Variants in SEMA6C observed in about 807,000 individuals in gnomAD.
SEMA6C encodes the protein semaphorin 6C, also known as semaphorin-6C.
A neutral mutation model predicts 72.9 loss-of-function variants in SEMA6C; 37 were observed. That is an observed-to-expected ratio of 0.51 (90% CI 0.39 to 0.67). The LOEUF is 0.67. Among genes scored for constraint, SEMA6C ranks in the 30% least tolerant of loss-of-function variants. SEMA6C has a pLI of 0.00. For synonymous variants in SEMA6C, 578 were observed against 554.1 expected (o/e 1.04, Z -0.61); for missense variants, 1,189 against 1,263.6 (o/e 0.94, Z 0.89).
intron 4 of SEMA6C, 56 bp from the exon 5 acceptor site, chr1:151,139,757 A>G: frequency 6.6e-7 from 1 of 1,504,628 alleles, no homozygotes; most frequent in Non-Finnish European, 9.0e-7. Flanking sequence ...CACTTTACCC[A>G]CAGTCAGCTG....
At chr1:151,143,169 C>T (rs56299877) in intron 2 of SEMA6C, among the ~76,000 whole-genome samples, 31,579 of 152,178 alleles carry the variant, frequency 0.21, 3,393 homozygotes, top group African/African-American at 0.24. Context: ...CGGGGGCAGC[C>T]GTGTGGCTGA....
intron 3 of SEMA6C, among the ~76,000 whole-genome samples, chr1:151,140,703 T>A (rs1372732548): frequency 6.6e-6 from 1 of 152,192 alleles, no homozygotes; most frequent in Non-Finnish European, 1.5e-5. Context: ...TTAACATTTA[T>A]AATGTGCTCA....
At position 151,135,708 on chromosome 1, in the gene SEMA6C, G is replaced by A; in HGVS notation, c.1316C>T (p.Thr439Ile). 1.2e-6 allele frequency: 2 copies of A among 1,614,196 alleles called. No homozygotes were observed. Among genetic ancestry groups the A allele is most frequent in the South Asian group, 1.1e-5 (1 of 91,082 alleles). The change falls in exon 14 of 19, where the codon ACA becomes ATA. Residue 439 changes from threonine (T) to isoleucine (I), a missense_variant. Around this residue, in one of 2 missense-constraint regions of SEMA6C, gnomAD observed 468 missense variants for 577.4 expected, o/e 0.81. Coordinates refer to ENST00000368914, the MANE Select transcript of SEMA6C (RefSeq NM_030913.6). ...DGMAGPHSNITVMFLGSNDGT... is the reference protein window; with the variant it reads ...DGMAGPHSNIIVMFLGSNDGT... ...ATCATTGGAGCCAAGGAACATGACT[G>A]TGATGTTACTGTGGGGACCAGCCAT...
chr1:151,139,807 C>G (rs1682380076), intron 4 of SEMA6C, 106 bp from the exon 5 acceptor site: 1 of 1,282,330 alleles, frequency 7.8e-7, no homozygotes, highest in African/African-American at 1.5e-5. Context: ...CCCTCCCCTT[C>G]CCCCTTCCTC....
chr1:151,135,991 A>G lies in SEMA6C; in HGVS notation c.1259+20T>C, dbSNP rs200571177. The G allele has an allele frequency of 1.4e-5, 22 of 1,613,980 alleles. No homozygotes were observed. The highest frequency in any genetic ancestry group is 5.0e-5 in the Admixed American group (3 of 60,020). On this transcript the variant is annotated intron_variant, in intron 13 of 18. Transcript: ENST00000368914. ...GGCTGAGAACAGGGAGGCAGTGGTC[A>G]GTGTTTTTCAGCCCCATACCTGCTA...
chr1:151,132,929 C>G lies in SEMA6C; in HGVS notation c.2348G>C (p.Gly783Ala). Residue 783 changes from glycine (G) to alanine (A), a missense_variant, in exon 19 of 19, where the codon GGG becomes GCG. By Grantham distance (60) the Gly-to-Ala change is moderately conservative (BLOSUM62 0). This residue lies in a region of SEMA6C where 721 missense variants were observed against 686.2 expected (regional missense o/e 1.05). Transcript: ENST00000368914. ...YLHGPQPPRK[G>A]AEPPAPLTSR... ...GGTTAAAGGGGCGGGGGGCTCGGCC[C>G]CCTTTCTGGGCGGCTGCGGGCCGTG... 1 of 1,394,354 alleles carries G rather than the reference C, an allele frequency of 7.2e-7. No individual in the cohort carries two copies. The highest frequency in any genetic ancestry group is 1.3e-5 in the South Asian group (1 of 75,330). The allele number at this position is 1,394,354 out of a possible 1,614,324, so 86.4% of individuals were successfully genotyped here. A position where few individuals can be genotyped will look rare whatever the true frequency, so the allele number is the denominator to read the frequency against.
Position 151,133,279 on chromosome 1 carries a change from C to G in SEMA6C, c.1998G>C (p.Pro666=), listed in dbSNP as rs1000369229. 6.4e-7 allele frequency: 1 copy of G among 1,573,872 alleles called. No homozygotes were observed. Residue 666 remains proline (P), a synonymous_variant, in exon 19 of 19, where the codon CCG becomes CCC. Coordinates refer to ENST00000368914, the MANE Select transcript of SEMA6C (RefSeq NM_030913.6). This position sits in a 1 kb window ranked among gnomAD's most constrained non-coding sequence, Gnocchi z 5.9. ...RLHGGGPEPP[P]PSKDGDAVQT... is the part of the protein sequence containing the mutation. Reference sequence around the variant, plus strand: ...GCACCGCGTCCCCGTCCTTGGAGGGCGGCGGGGGCTCTGGGCCCCCACCGT... The same window carrying G: ...GCACCGCGTCCCCGTCCTTGGAGGGGGGCGGGGGCTCTGGGCCCCCACCGT...
At chr1:151,144,763 C>A (rs587671852) in intron 1 of SEMA6C, among the ~76,000 whole-genome samples, 7 of 152,274 alleles carry the variant, frequency 4.6e-5, no homozygotes, top group Admixed American at 2.6e-4. Context: ...AATCCAACAG[C>A]CTTCTTAGCA....
In SEMA6C at chr1:151,138,067, C is replaced by T. The variant is rs1368301575; in HGVS notation, c.586G>A (p.Ala196Thr). ...CTTCTGTAAACTACAGCATCACTGG[C>T]CTGGAAATCCGCAGCTGTGGCTGAG... ...LYSATAADFQASDAVVYRSLG... is the reference protein window; with the variant it reads ...LYSATAADFQTSDAVVYRSLG... The change falls in exon 9 of 19, where the codon GCC becomes ACC. Residue 196 changes from alanine (A) to threonine (T), a missense_variant. Coordinates refer to ENST00000368914, the MANE Select transcript of SEMA6C (RefSeq NM_030913.6). 1.9e-6 allele frequency: 3 copies of T among 1,614,166 alleles called. No homozygotes were observed. In the Admixed American group the frequency reaches 5.0e-5, roughly 27 times the overall value.
Position 151,138,079 on chromosome 1 carries a change from C to G in SEMA6C, c.574G>C (p.Ala192Pro). ...ACAGCATCACTGGCCTGGAAATCCG[C>G]AGCTGTGGCTGAGTACAGGCTGCCC... Reference protein sequence around the residue: ...AEGSLYSATAADFQASDAVVY... With the variant: ...AEGSLYSATAPDFQASDAVVY... The change falls in exon 9 of 19, where the codon GCG (alanine) becomes CCG (proline). Residue 192 changes from alanine to proline, a missense_variant. Ala to Pro is a conservative substitution (Grantham distance 27). Transcript: ENST00000368914. 2 of 1,614,180 alleles carry G rather than the reference C, an allele frequency of 1.2e-6. No homozygotes were observed. The highest frequency in any genetic ancestry group is 1.7e-6 in the Non-Finnish European group (2 of 1,180,016).
At chr1:151,140,320 A>C (rs587594681) in intron 3 of SEMA6C, among the ~76,000 whole-genome samples, 2 of 152,296 alleles carry the variant, frequency 1.3e-5, no homozygotes, top group African/African-American at 4.8e-5. Context: ...CTTTGGCCCC[A>C]TTTTACAGAT....
chr1:151,138,146 G>A, intron 8 of SEMA6C, 41 bp from the exon 9 acceptor site: 3 of 1,608,442 alleles, frequency 1.9e-6, no homozygotes, highest in Non-Finnish European at 2.5e-6. Flanking sequence ...AGGGCTCAGG[G>A]ATCTGTATCC....
At position 151,132,530 on chromosome 1, in the gene SEMA6C, G is replaced by A; in HGVS notation, c.2747C>T (p.Pro916Leu). The A allele has an allele frequency of 1.9e-6, 3 of 1,550,420 alleles. No homozygotes were observed. The highest frequency in any genetic ancestry group is 2.6e-6 in the Non-Finnish European group (3 of 1,146,816). Reference sequence around the variant, plus strand: ...GTTCGGGACGGCCTGGCGGGAGGAGGGCCCGACGAGGGGAGGCTTCAGGGA... The same window carrying A: ...GTTCGGGACGGCCTGGCGGGAGGAGAGCCCGACGAGGGGAGGCTTCAGGGA... ...QLSLKPPLVG[P>L]SSRQAVPNGG... The change falls in exon 19 of 19, where the codon CCC becomes CTC. Residue 916 changes from proline (P) to leucine (L), a missense_variant. Physicochemically the swap from Pro to Leu is moderately conservative, Grantham distance 98. Around this residue, in one of 2 missense-constraint regions of SEMA6C, gnomAD observed 721 missense variants for 686.2 expected, o/e 1.05. Coordinates refer to ENST00000368914, the MANE Select transcript of SEMA6C (RefSeq NM_030913.6).
chr1:151,135,214 C>T lies in SEMA6C; in HGVS notation c.1529G>A (p.Cys510Tyr). The T allele has an allele frequency of 6.2e-7, 1 of 1,614,190 alleles. No individual in the cohort carries two copies. The highest frequency in any genetic ancestry group is 8.5e-7 in the Non-Finnish European group (1 of 1,180,012). Residue 510 changes from cysteine to tyrosine, a missense_variant, in exon 15 of 19, where the codon TGT (cysteine) becomes TAT (tyrosine). Transcript: ENST00000368914. ...GHRLFVAFSG[C>Y]IVYLPLSRCA... ...CCGGCTGAGAGGGAGGTAGACAATACAGCCAGAAAAAGCCACAAAAAGCCT... is the reference window on the plus strand; with the variant it reads ...CCGGCTGAGAGGGAGGTAGACAATATAGCCAGAAAAAGCCACAAAAAGCCT...
rs1489601131 is a variant in SEMA6C, at chr1:151,137,034, A to G, written c.797T>C (p.Met266Thr). 3.7e-6 allele frequency: 6 copies of G among 1,613,948 alleles called. No individual in the cohort carries two copies. Among genetic ancestry groups the G allele is most frequent in the Non-Finnish European group, 5.1e-6 (6 of 1,180,028 alleles). Residue 266 changes from methionine to threonine, a missense_variant, in exon 11 of 19, where the codon ATG becomes ACG. Met to Thr is a moderately conservative substitution (Grantham distance 81). Around this residue, in one of 2 missense-constraint regions of SEMA6C, gnomAD observed 468 missense variants for 577.4 expected, o/e 0.81. Coordinates refer to ENST00000368914, the MANE Select transcript of SEMA6C (RefSeq NM_030913.6). ...SRVARVCKRD[M>T]GGSPRALDRH... ...GTCCAAGGCCCGAGGCGAGCCGCCC[A>G]TGTCACGTTTACATACTCGGGCTAC...
At position 151,132,205 on chromosome 1, in the gene SEMA6C, G is replaced by A; in HGVS notation, c.*279C>T. On this transcript the variant is annotated 3_prime_UTR_variant, in exon 19 of 19. Transcript: ENST00000368914. ...GAGCCCCGAGGGGCGAGTTAAGGCA[G>A]CTTGGCTGGAAGGGAGCGGGGAGTG... 6.8e-7 allele frequency: 1 copy of A among 1,480,642 alleles called. No individual in the cohort carries two copies. The highest frequency in any genetic ancestry group is 9.0e-7 in the Non-Finnish European group (1 of 1,112,268). 91.7% of individuals were successfully genotyped at this position (1,480,642 alleles called of 1,614,324 possible). A position where few individuals can be genotyped will look rare whatever the true frequency, so the allele number is the denominator to read the frequency against.
intron 3 of SEMA6C, among the ~76,000 whole-genome samples, chr1:151,141,140 T>C (rs1682509920): frequency 6.6e-6 from 1 of 152,128 alleles, no homozygotes; most frequent in Non-Finnish European, 1.5e-5. Context: ...ATCCTACAAA[T>C]ATAACCGGAA....
In SEMA6C at chr1:151,132,819, G is replaced by A; in HGVS notation, c.2458C>T (p.Leu820=). 7.7e-7 allele frequency: 1 copy of A among 1,306,308 alleles called. No homozygotes were observed. Among genetic ancestry groups the A allele is most frequent in the Middle Eastern group, 2.9e-4 (1 of 3,410 alleles). 80.9% of individuals were successfully genotyped at this position (1,306,308 alleles called of 1,614,324 possible). The change falls in exon 19 of 19, where the codon CTG becomes TTG. Residue 820 remains leucine, a synonymous_variant. Transcript: ENST00000368914. ...RPHECASPLR[L]DVPPEGRCAS... The stretch of plus-strand genomic sequence containing the variant: ...CACCTGCCCTCGGGGGGCACGTCCA[G>A]CCTCAGCGGCGAGGCGCACTCGTGG...
chr1:151,132,936 T>C lies in SEMA6C; in HGVS notation c.2341A>G (p.Arg781Gly). 1 of 1,397,968 alleles carries C rather than the reference T, an allele frequency of 7.2e-7. No individual in the cohort carries two copies. Among genetic ancestry groups the C allele is most frequent in the Non-Finnish European group, 9.3e-7 (1 of 1,073,720 alleles). 86.6% of individuals were successfully genotyped at this position (1,397,968 alleles called of 1,614,324 possible). A position where few individuals can be genotyped will look rare whatever the true frequency, so the allele number is the denominator to read the frequency against. The change falls in exon 19 of 19, where the codon AGA (arginine) becomes GGA (glycine). Residue 781 changes from arginine to glycine, a missense_variant. Arg to Gly is a moderately radical substitution (Grantham distance 125). Around this residue, in one of 2 missense-constraint regions of SEMA6C, gnomAD observed 721 missense variants for 686.2 expected, o/e 1.05. Coordinates refer to ENST00000368914, the MANE Select transcript of SEMA6C (RefSeq NM_030913.6). ...LRYLHGPQPP[R>G]KGAEPPAPLT... ...GGGGCGGGGGGCTCGGCCCCCTTTC[T>C]GGGCGGCTGCGGGCCGTGCAGGTAG... is the stretch of plus-strand genomic sequence containing the variant.
Sources: allele counts gnomAD v4.1 joint callset (sites outside exome capture counted in the v4.1 genomes callset), GRCh38; gene constraint gnomAD v4.1.1; regional missense constraint gnomAD v4.1.1; non-coding constraint Gnocchi (gnomAD v3.1); transcripts MANE v1.5; gene names NCBI Gene and HGNC (gene_info 2026-07-23, HGNC 2026-07-21).